The following STXBP4 variants were observed in gnomAD, a reference collection of about 807,000 sequenced individuals.
STXBP4 encodes the protein syntaxin binding protein 4, also known as syntaxin-binding protein 4.
In STXBP4, 55 loss-of-function variants were observed where a neutral mutation model predicts 76.1. That is an observed-to-expected ratio of 0.72 (90% CI 0.58 to 0.91). The LOEUF (loss-of-function observed/expected upper bound fraction) is 0.91, where lower values mean the gene tolerates loss of function less well. Ranked by LOEUF, STXBP4 falls within the 40% of genes least tolerant of loss-of-function variation. The pLI is 0.00. For missense variants in STXBP4, 618 were observed against 636.9 expected, an observed-to-expected ratio of 0.97 and a Z score of 0.32; for synonymous variants, 201 against 220.2, an observed-to-expected ratio of 0.91 and a Z score of 0.77.
rs183248280 is a variant in STXBP4 at position 55,133,403 on chromosome 17, G to C, written c.1490-7907G>C. ...AGTTTAAAAGTGATACAATGATAGA[G>C]GAAGAGAGGGCATGCACCTGAATTT... is the stretch of plus-strand genomic sequence containing the variant. On this transcript the variant is annotated intron_variant, in intron 16 of 17. Transcript: ENST00000376352. Among the ~76,000 whole-genome samples the C allele has an allele frequency of 3.5e-3, 536 of 152,230 alleles. 4 individuals are homozygous for C. Among genetic ancestry groups the C allele is most frequent in the Non-Finnish European group, 6.1e-3 (417 of 68,008 alleles).
chr17:55,034,989 A>C (rs2078573500), intron 10 of STXBP4, among the ~76,000 whole-genome samples: 1 of 152,100 alleles, frequency 6.6e-6, no homozygotes, highest in African/African-American at 2.4e-5. Context: ...TGTTCTATAT[A>C]ATTTGTATAT....
At chr17:55,138,590 A>T (rs1321657265) in intron 16 of STXBP4, among the ~76,000 whole-genome samples, 1 of 152,128 alleles carries the variant, frequency 6.6e-6, no homozygotes, top group Non-Finnish European at 1.5e-5. Flanking sequence ...AAGCAATTTC[A>T]GGTAGTTATA....
chr17:55,165,523 C>T lies in STXBP4; in HGVS notation c.*5612C>T, dbSNP rs2080373402. On this transcript the variant is annotated 3_prime_UTR_variant, in exon 18 of 18. Coordinates refer to ENST00000376352, the MANE Select transcript of STXBP4 (RefSeq NM_178509.6). The stretch of plus-strand genomic sequence containing the variant: ...AAGGATCACAGGAGTAGCAATAACA[C>T]CTGCTGGACCTGAATGAGGATCTTT... 2 of 152,216 alleles carry T rather than the reference C, an allele frequency of 1.3e-5. No individual in the cohort carries two copies. The highest frequency in any genetic ancestry group is 4.1e-4 in the South Asian group (2 of 4,828). The allele number at this position is 152,216 out of a possible 1,614,324, so 9.4% of individuals were successfully genotyped here. A position where few individuals can be genotyped will look rare whatever the true frequency, so the allele number is the denominator to read the frequency against.
Position 55,160,039 on chromosome 17 carries a change from T to C in STXBP4, c.*128T>C. 3.5e-6 allele frequency: 2 copies of C among 563,740 alleles called. No homozygotes were observed. Among genetic ancestry groups the C allele is most frequent in the Non-Finnish European group, 6.2e-6 (2 of 320,082 alleles). The allele number at this position is 563,740 out of a possible 1,614,324, so 34.9% of individuals were successfully genotyped here. ...ACTTGTTGAAGTGTGAAATGGAGACTCTGGACTTTGGGTATTTTTGTAAAA... is the reference window on the plus strand; with the variant it reads ...ACTTGTTGAAGTGTGAAATGGAGACCCTGGACTTTGGGTATTTTTGTAAAA... On this transcript the variant is annotated 3_prime_UTR_variant, in exon 18 of 18. Coordinates refer to ENST00000376352, the MANE Select transcript of STXBP4 (RefSeq NM_178509.6).
chr17:54,989,001 G>T lies in STXBP4; in HGVS notation c.48-1824G>T, dbSNP rs149993565. 4.3e-3 allele frequency among the ~76,000 whole-genome samples: 662 copies of T among 152,282 alleles called. 4 individuals are homozygous for T. Among genetic ancestry groups the T allele is most frequent in the African/African-American group, 0.015 (627 of 41,552 alleles). On this transcript the variant is annotated intron_variant, in intron 3 of 17. Transcript: ENST00000376352. ...TTTTTAAAAAAATTTCTTCTTTTTAGAAATTATTTTTTTGAATGCAACAGT... is the reference window on the plus strand; with the variant it reads ...TTTTTAAAAAAATTTCTTCTTTTTATAAATTATTTTTTTGAATGCAACAGT...
rs1220002762 is a variant in STXBP4, at chr17:55,168,846, T to C, written c.*8935T>C. The C allele has an allele frequency of 6.6e-6, 1 of 152,212 alleles. No individual in the cohort carries two copies. Among genetic ancestry groups the C allele is most frequent in the Non-Finnish European group, 1.5e-5 (1 of 68,030 alleles). 9.4% of individuals were successfully genotyped at this position (152,212 alleles called of 1,614,324 possible). ...TTAGACATCCATTCTACAACTCTGA[T>C]GCTGGCACATTTTTTATCTTGGCAA... On this transcript the variant is annotated 3_prime_UTR_variant, in exon 18 of 18. Coordinates refer to ENST00000376352, the MANE Select transcript of STXBP4 (RefSeq NM_178509.6).
chr17:55,022,976 G>C (rs533246978), intron 8 of STXBP4, among the ~76,000 whole-genome samples: 1 of 152,292 alleles, frequency 6.6e-6, no homozygotes, highest in South Asian at 2.1e-4. Flanking sequence ...GTTGGTGAGT[G>C]TACATTTTTT....
intron 1 of STXBP4, among the ~76,000 whole-genome samples, chr17:54,975,403 GATATAA>G (rs1276564287): frequency 2.6e-5 from 4 of 152,290 alleles, no homozygotes; most frequent in African/African-American, 7.2e-5. Context: ...GATGTAAATA[GATATAA>G]ATATAGATAG....
At chr17:55,114,597 A>G (rs987601111) in intron 16 of STXBP4, among the ~76,000 whole-genome samples, 6 of 152,052 alleles carry the variant, frequency 3.9e-5, no homozygotes, top group African/African-American at 1.4e-4. Flanking sequence ...AAGTAATCAA[A>G]ATTCCTATGG....
chr17:54,998,936 T>C (rs941903110), intron 4 of STXBP4, among the ~76,000 whole-genome samples: 23 of 152,244 alleles, frequency 1.5e-4, no homozygotes, highest in Middle Eastern at 3.4e-3. Context: ...GGAGGACATA[T>C]GTAGGAATGC....
intron 13 of STXBP4, among the ~76,000 whole-genome samples, chr17:55,076,252 T>C (rs9906541): frequency 0.063 from 9,659 of 152,226 alleles, 947 homozygotes; most frequent in African/African-American, 0.22. Flanking sequence ...TTATTTGTTT[T>C]GTGTGGTCAG....
intron 4 of STXBP4, among the ~76,000 whole-genome samples, chr17:54,995,340 A>C (rs920453139): frequency 1.3e-5 from 2 of 152,144 alleles, no homozygotes; most frequent in East Asian, 1.9e-4. Context: ...GTTCATTTTT[A>C]TTTCTTTCTT....
rs548287739 is a variant in STXBP4, at chr17:55,099,682, C to T, written c.1489+18499C>T. On this transcript the variant is annotated intron_variant, in intron 16 of 17. Coordinates refer to ENST00000376352, the MANE Select transcript of STXBP4 (RefSeq NM_178509.6). ...ACAAATAGATCTCAAATAGTCTATT[C>T]TTTCCACAAATATTTGTTGAATACA... is the stretch of plus-strand genomic sequence containing the variant. Among the ~76,000 whole-genome samples the T allele has an allele frequency of 9.6e-4, 146 of 152,318 alleles. No homozygotes were observed. The Middle Eastern group carries it at 0.01, about 11-fold the overall frequency.
At chr17:55,074,786 C>A (rs887123661) in intron 13 of STXBP4, among the ~76,000 whole-genome samples, 1 of 151,858 alleles carries the variant, frequency 6.6e-6, no homozygotes, top group African/African-American at 2.4e-5. Flanking sequence ...AAGCCAGTAA[C>A]CTGTCTCTGA....
At chr17:55,000,660 T>C (rs2077896108) in intron 6 of STXBP4, 148 bp from the exon 7 acceptor site, 2 of 653,344 alleles carry the variant, frequency 3.1e-6, no homozygotes, top group East Asian at 2.9e-5. Flanking sequence ...AATTGCTTTG[T>C]TTGAAGATGC....
At chr17:55,211,100 C>T in the STXBP4 span, among the ~76,000 whole-genome samples, 1 of 152,102 alleles carries the variant, frequency 6.6e-6, no homozygotes, top group East Asian at 1.9e-4. Context: ...AATGCCCCCC[C>T]CCATGAAATT....
At chr17:55,197,195 G>A in the STXBP4 span, among the ~76,000 whole-genome samples, 1 of 152,306 alleles carries the variant, frequency 6.6e-6, no homozygotes, top group East Asian at 1.9e-4. Context: ...ACTCCCAGGT[G>A]ATTCTAATGT....
rs201839813 is a variant in STXBP4 at position 55,034,257 on chromosome 17, C to T, written c.853C>T (p.Gln285Ter). 2.8e-5 allele frequency: 45 copies of T among 1,608,464 alleles called. No individual in the cohort carries two copies. In the South Asian group the frequency reaches 4.8e-4, roughly 17 times the overall value. Residue 285 changes from glutamine to a stop codon, truncating the protein, a stop_gained and splice_region_variant, in exon 10 of 18, where the codon CAG becomes TAG. Coordinates refer to ENST00000376352, the MANE Select transcript of STXBP4 (RefSeq NM_178509.6). LOFTEE classifies it high-confidence loss of function. ...AHEISNILDS[Q>*]LLPCDSSEAD... ...TGAAATTTCCAATATATTAGATTCA[C>T]AGGTAGAGTATGCCCTATAGAATTG...
intron 16 of STXBP4, among the ~76,000 whole-genome samples, chr17:55,120,174 A>AT (rs2145087102): frequency 6.6e-6 from 1 of 152,274 alleles, no homozygotes; most frequent in South Asian, 2.1e-4. Context: ...AGAAAGAGTG[A>AT]TTTTTAATAC....
Sources: allele counts gnomAD v4.1 joint callset (sites outside exome capture counted in the v4.1 genomes callset), GRCh38; gene constraint gnomAD v4.1.1; transcripts MANE v1.5; gene names NCBI Gene and HGNC (gene_info 2026-07-23, HGNC 2026-07-21).